PRKN: variants seen among roughly 807,000 people sequenced by gnomAD.
PRKN encodes the protein E3 ubiquitin-protein ligase parkin.
A neutral mutation model predicts 59.5 loss-of-function variants in PRKN; 56 were observed. The observed-to-expected ratio is 0.94, with a 90% confidence interval of 0.76 to 1.18. PRKN has a LOEUF of 1.18. PRKN is among the 50% of genes most tolerant of loss of function. PRKN has a pLI of 0.00. For synonymous variants in PRKN, 250 were observed against 222.1 expected (o/e 1.13, Z -1.12); for missense variants, 657 against 596.4 (o/e 1.10, Z -1.06).
intron 5 of PRKN, among the ~76,000 whole-genome samples, chr6:161,978,075 G>A (rs1781122235): frequency 6.7e-6 from 1 of 149,086 alleles, no homozygotes; most frequent in Non-Finnish European, 1.5e-5. Context: ...TGAGATGGGA[G>A]TTTTGCTCTT....
rs560540712 is a variant in PRKN, at chr6:161,371,900, A to G, written c.1168-11695T>C. 6.6e-6 allele frequency among the ~76,000 whole-genome samples: 1 copy of G among 152,242 alleles called. No homozygotes were observed. The highest frequency in any genetic ancestry group is 2.1e-4 in the South Asian group (1 of 4,822). ...GTGATCTGCCTGCCTCGGCCTCCCA[A>G]AGTGCTGGGATTACAGGCATGAGCC... is the stretch of plus-strand genomic sequence containing the variant. On this transcript the variant is annotated intron_variant, in intron 10 of 11. Transcript: ENST00000366898. This position sits in a 1 kb window ranked among gnomAD's most constrained non-coding sequence, Gnocchi z 5.5.
chr6:161,923,212 G>A (rs775390223), intron 6 of PRKN, among the ~76,000 whole-genome samples: 3 of 152,330 alleles, frequency 2.0e-5, no homozygotes, highest in East Asian at 1.9e-4. Context: ...GGCCAGTGCC[G>A]GGGCTCATGC....
chr6:162,503,037 TG>T (rs1232451276), intron 1 of PRKN, among the ~76,000 whole-genome samples: 1 of 152,000 alleles, frequency 6.6e-6, no homozygotes, highest in Admixed American at 6.6e-5. Flanking sequence ...TTTGGTGGAC[TG>T]TTTTTGAAGC....
At chr6:162,259,286 T>A (rs1779785278) in intron 3 of PRKN, among the ~76,000 whole-genome samples, 1 of 152,202 alleles carries the variant, frequency 6.6e-6, no homozygotes, top group African/African-American at 2.4e-5. Context: ...CAGCGTCCGA[T>A]TGTTCCGTGA....
chr6:162,345,584 T>C (rs1266060091), intron 2 of PRKN, among the ~76,000 whole-genome samples: 6 of 152,246 alleles, frequency 3.9e-5, no homozygotes, highest in Non-Finnish European at 8.8e-5. Flanking sequence ...TTTTGTTAGA[T>C]TATTCCAAGG....
chr6:161,514,717 A>T (rs1778521461), intron 9 of PRKN, among the ~76,000 whole-genome samples: 1 of 151,964 alleles, frequency 6.6e-6, no homozygotes. Context: ...GGGAAAGGGG[A>T]CCCAGTGACT....
At chr6:161,481,478 C>T (rs1791394877) in intron 9 of PRKN, among the ~76,000 whole-genome samples, 1 of 151,982 alleles carries the variant, frequency 6.6e-6, no homozygotes, top group African/African-American at 2.4e-5. Context: ...GTGGCGTGTG[C>T]CTGTAGTCCC....
intron 9 of PRKN, among the ~76,000 whole-genome samples, chr6:161,481,655 A>G (rs949058053): frequency 3.3e-5 from 5 of 152,164 alleles, no homozygotes; most frequent in Admixed American, 2.0e-4. Context: ...AAACAAGGAA[A>G]AAAAGAACCT....
intron 11 of PRKN, among the ~76,000 whole-genome samples, chr6:161,358,960 A>G (rs955729532): frequency 5.3e-5 from 8 of 151,588 alleles, no homozygotes; most frequent in African/African-American, 1.7e-4. Flanking sequence ...ACACCCGGCT[A>G]ATTTTTTGTA....
At chr6:161,718,611 C>G (rs558856859) in intron 7 of PRKN, among the ~76,000 whole-genome samples, 9 of 152,042 alleles carry the variant, frequency 5.9e-5, no homozygotes, top group Admixed American at 5.9e-4. Flanking sequence ...GTGGGCACCC[C>G]GAGAGAAACA....
intron 9 of PRKN, among the ~76,000 whole-genome samples, chr6:161,493,327 G>T (rs1157778289): frequency 6.6e-6 from 1 of 152,138 alleles, no homozygotes; most frequent in Non-Finnish European, 1.5e-5. Flanking sequence ...CAATAATTTT[G>T]ACACTATCAT....
chr6:161,472,653 C>G lies in PRKN; in HGVS notation c.1083+76201G>C, dbSNP rs1318218891. The stretch of plus-strand genomic sequence containing the variant: ...ACAAAAGTGAAAATAAACAACTGGA[C>G]TACACCAAACTAAAAAGCTTCTGCA... On this transcript the variant is annotated intron_variant, in intron 9 of 11. Coordinates refer to ENST00000366898, the MANE Select transcript of PRKN (RefSeq NM_004562.3). Among the ~76,000 whole-genome samples, 5 of 152,082 alleles carry G rather than the reference C, an allele frequency of 3.3e-5. No homozygotes were observed. The East Asian group carries it at 9.6e-4, about 29-fold the overall frequency.
chr6:162,608,248 A>T (rs1278168229), intron 1 of PRKN, among the ~76,000 whole-genome samples: 1 of 152,208 alleles, frequency 6.6e-6, no homozygotes, highest in Non-Finnish European at 1.5e-5. Flanking sequence ...GAGTCAATAG[A>T]CTGGAGGTCC....
chr6:161,479,994 C>G (rs563763675), intron 9 of PRKN, among the ~76,000 whole-genome samples: 1 of 152,218 alleles, frequency 6.6e-6, no homozygotes, highest in South Asian at 2.1e-4. Flanking sequence ...GCACACAATT[C>G]CTTGCTCCCT....
intron 4 of PRKN, among the ~76,000 whole-genome samples, chr6:162,178,945 C>T (rs773848818): frequency 1.1e-4 from 17 of 152,150 alleles, no homozygotes; most frequent in Admixed American, 2.0e-4. Flanking sequence ...GATCACAGCT[C>T]GCAGCAGCCT....
intron 6 of PRKN, among the ~76,000 whole-genome samples, chr6:161,860,841 A>G (rs1348305181): frequency 6.6e-6 from 1 of 152,236 alleles, no homozygotes; most frequent in East Asian, 1.9e-4. Flanking sequence ...GCTCATCATC[A>G]CTGGTCATTA....
intron 1 of PRKN, among the ~76,000 whole-genome samples, chr6:162,696,703 C>T (rs1300026817): frequency 6.6e-6 from 1 of 151,384 alleles, no homozygotes; most frequent in African/African-American, 2.4e-5. Flanking sequence ...GCCACCATGC[C>T]CAGCTAATTT....
intron 1 of PRKN, among the ~76,000 whole-genome samples, chr6:162,630,276 C>T (rs1783056150): frequency 6.6e-6 from 1 of 152,146 alleles, no homozygotes; most frequent in Admixed American, 6.6e-5. Context: ...AAGCTTTATA[C>T]TGTCCTGCCA....
chr6:162,074,406 C>T (rs957662533), intron 4 of PRKN, among the ~76,000 whole-genome samples: 1 of 143,488 alleles, frequency 7.0e-6, no homozygotes, highest in Non-Finnish European at 1.5e-5. Flanking sequence ...CACATATTCT[C>T]ACTCATAGGT....
Sources: allele counts gnomAD v4.1 joint callset (sites outside exome capture counted in the v4.1 genomes callset), GRCh38; gene constraint gnomAD v4.1.1; non-coding constraint Gnocchi (gnomAD v3.1); transcripts MANE v1.5; gene names NCBI Gene and HGNC (gene_info 2026-07-23, HGNC 2026-07-21).